The following RAB39A variants were observed in gnomAD, a reference collection of about 807,000 sequenced individuals.
RAB39A encodes the protein ras-related protein Rab-39A.
In RAB39A, 17 loss-of-function variants were observed where a neutral mutation model predicts 20.9. The ratio of observed to expected loss-of-function variants is 0.81; its 90% CI spans 0.56 to 1.22. RAB39A has a LOEUF of 1.22. Among genes scored for constraint, RAB39A ranks in the 50% most tolerant of loss-of-function variants. RAB39A has a pLI of 0.00. For synonymous variants in RAB39A, 99 were observed against 103.4 expected (o/e 0.96, Z 0.26); for missense variants, 234 against 270.5 (o/e 0.87, Z 0.95).
chr11:107,941,414 C>T (rs1173251419), intron 1 of RAB39A, among the ~76,000 whole-genome samples: 1 of 152,120 alleles, frequency 6.6e-6, no homozygotes, highest in Non-Finnish European at 1.5e-5. Context: ...AGTTTATTCT[C>T]TCATATGATT....
intron 1 of RAB39A, among the ~76,000 whole-genome samples, chr11:107,954,346 C>T (rs183132763): frequency 2.2e-4 from 33 of 152,188 alleles, no homozygotes; most frequent in Admixed American, 1.4e-3. Context: ...TTTTTCATGG[C>T]GGGGTCTTTC....
chr11:107,942,274 C>G (rs925626437), intron 1 of RAB39A, among the ~76,000 whole-genome samples: 2 of 152,124 alleles, frequency 1.3e-5, no homozygotes, highest in African/African-American at 4.8e-5. Flanking sequence ...GAAGAAAGGA[C>G]ACATGAGAAA....
intron 1 of RAB39A, among the ~76,000 whole-genome samples, chr11:107,955,240 A>G (rs1275034151): frequency 6.6e-6 from 1 of 151,606 alleles, no homozygotes; most frequent in East Asian, 1.9e-4. Flanking sequence ...CTTGTGATCC[A>G]CCCACCTCAG....
intron 1 of RAB39A, among the ~76,000 whole-genome samples, chr11:107,961,431 C>T (rs986905274): frequency 2.6e-5 from 4 of 152,168 alleles, no homozygotes; most frequent in Admixed American, 2.0e-4. Context: ...AATCCTAATA[C>T]CACCACATTA....
intron 1 of RAB39A, among the ~76,000 whole-genome samples, chr11:107,946,868 AC>A: frequency 6.6e-6 from 1 of 151,874 alleles, no homozygotes; most frequent in Non-Finnish European, 1.5e-5. Context: ...CAGGCAGATC[AC>A]TTGAGGTCTG....
At chr11:107,937,733 G>A (rs1447370326) in intron 1 of RAB39A, among the ~76,000 whole-genome samples, 2 of 152,024 alleles carry the variant, frequency 1.3e-5, no homozygotes, top group African/African-American at 4.8e-5. Flanking sequence ...ACAAGAGTTT[G>A]TGGACTTCCC....
intron 1 of RAB39A, among the ~76,000 whole-genome samples, chr11:107,944,684 C>T (rs1307409628): frequency 1.3e-5 from 2 of 151,944 alleles, no homozygotes; most frequent in Non-Finnish European, 2.9e-5. Flanking sequence ...CGCGCCAGGC[C>T]AGAAAGAAAA....
rs539020298 is a variant in RAB39A at position 107,946,378 on chromosome 11, A to G, written c.228-15568A>G. Among the ~76,000 whole-genome samples the G allele has an allele frequency of 3.0e-3, 371 of 122,518 alleles. 1 individual carries two copies. Among genetic ancestry groups the G allele is most frequent in the African/African-American group, 0.011 (348 of 30,676 alleles). The allele number at this position is 122,518 out of a possible 152,430, so 80.4% of individuals were successfully genotyped here. ...CACACACACATATATATACACACAT[A>G]TATATGTGGGTGTATATATGTGTGT... On this transcript the variant is annotated intron_variant, in intron 1 of 1. Transcript: ENST00000320578.
intron 1 of RAB39A, among the ~76,000 whole-genome samples, chr11:107,946,452 ATATATATATTTTTTTT>A: frequency 1.4e-5 from 1 of 71,800 alleles, no homozygotes; most frequent in East Asian, 3.5e-4. Context: ...ATATATATAT[ATATATATATTTTTTTT>A]TTTTTTTTTT....
chr11:107,935,665 C>T (rs1014824436), intron 1 of RAB39A, among the ~76,000 whole-genome samples: 2 of 151,644 alleles, frequency 1.3e-5, no homozygotes, highest in African/African-American at 2.4e-5. Context: ...TGTGAGCCAC[C>T]GCGCCCAGCT....
At chr11:107,951,398 G>A (rs1250761004) in intron 1 of RAB39A, among the ~76,000 whole-genome samples, 1 of 152,150 alleles carries the variant, frequency 6.6e-6, no homozygotes, top group Non-Finnish European at 1.5e-5. Flanking sequence ...TTGATGCCAA[G>A]AGACTTTGGC....
intron 1 of RAB39A, among the ~76,000 whole-genome samples, chr11:107,953,478 TCCCCATGATACTGTTGC>T (rs1861402830): frequency 6.6e-6 from 1 of 152,076 alleles, no homozygotes; most frequent in Non-Finnish European, 1.5e-5. Context: ...GCCAGTGTGG[TCCCCATGATACTGTTGC>T]CCCCTTTCTG....
At chr11:107,945,181 C>G (rs918560144) in intron 1 of RAB39A, among the ~76,000 whole-genome samples, 1 of 144,128 alleles carries the variant, frequency 6.9e-6, no homozygotes, top group Non-Finnish European at 1.5e-5. Flanking sequence ...AAGACTCCAT[C>G]TCAAAAAAAA....
At chr11:107,947,404 G>T (rs1054391406) in intron 1 of RAB39A, among the ~76,000 whole-genome samples, 3 of 152,094 alleles carry the variant, frequency 2.0e-5, no homozygotes, top group Non-Finnish European at 4.4e-5. Flanking sequence ...ACCGCGCCTG[G>T]CCAAGATGAT....
rs189396138 is a variant in RAB39A at position 107,961,127 on chromosome 11, C to G, written c.228-819C>G. ...ACTAATACTGTGACAAGTCTGCTGT[C>G]TTCGTGAGTTTGGGCTGTTATAACA... On this transcript the variant is annotated intron_variant, in intron 1 of 1. Coordinates refer to ENST00000320578, the MANE Select transcript of RAB39A (RefSeq NM_017516.3). 1.6e-4 allele frequency among the ~76,000 whole-genome samples: 24 copies of G among 152,312 alleles called. 1 individual carries two copies. The highest frequency in any genetic ancestry group is 1.4e-3 in the Admixed American group (22 of 15,304).
intron 1 of RAB39A, among the ~76,000 whole-genome samples, chr11:107,946,325 TACACACACACACAC>T (rs57242917): frequency 2.3e-5 from 2 of 87,258 alleles, no homozygotes; most frequent in African/African-American, 7.4e-5. Context: ...TATATATATA[TACACACACACACAC>T]ACACATATAT....
At chr11:107,934,487 T>A (rs1261440871) in intron 1 of RAB39A, among the ~76,000 whole-genome samples, 1 of 152,122 alleles carries the variant, frequency 6.6e-6, no homozygotes, top group African/African-American at 2.4e-5. Context: ...GAGTATAATT[T>A]GGGAATAGCT....
At chr11:107,933,679 CT>C (rs376223086) in intron 1 of RAB39A, among the ~76,000 whole-genome samples, 190 of 137,828 alleles carry the variant, frequency 1.4e-3, no homozygotes, top group Admixed American at 1.5e-3. Flanking sequence ...ACCTGTGATT[CT>C]TTTTTTTTTT....
intron 1 of RAB39A, among the ~76,000 whole-genome samples, chr11:107,935,586 G>C (rs1861185849): frequency 6.6e-6 from 1 of 152,062 alleles, no homozygotes; most frequent in South Asian, 2.1e-4. Context: ...TTGTTAGCCA[G>C]GCTTGTCTCG....
Sources: gnomAD v4.1 joint callset for allele counts (sites outside exome capture counted in the v4.1 genomes callset) on GRCh38, gnomAD v4.1.1 for gene constraint, MANE v1.5 for transcripts, NCBI Gene and HGNC (gene_info 2026-07-23, HGNC 2026-07-21) for gene names.